The following DLGAP2 variants were observed in gnomAD, a reference collection of about 807,000 sequenced individuals.
DLGAP2 encodes the protein DLG associated protein 2, also known as disks large-associated protein 2.
DLGAP2 carries 26 observed loss-of-function variants against 100.3 expected under a neutral mutation model. The observed-to-expected ratio is 0.26, with a 90% CI of 0.19 to 0.36. The LOEUF is 0.36. Among genes scored for constraint, DLGAP2 ranks in the 10% least tolerant of loss-of-function variants. The pLI is 1.00. For synonymous variants in DLGAP2, 886 were observed against 630.1 expected, an observed-to-expected ratio of 1.41 and a Z score of -6.08; for missense variants, 1,858 against 1,453.2, an observed-to-expected ratio of 1.28 and a Z score of -4.53.
At chr8:1,300,875 G>A (rs183358121) in intron 3 of DLGAP2, 8 of 152,346 alleles carry the variant, frequency 5.3e-5, no homozygotes, top group African/African-American at 1.9e-4. Flanking sequence ...ATCTAAGCAA[G>A]TATTTCCAGC....
At chr8:1,464,287 G>GACA (rs1563164846) in intron 3 of DLGAP2, among the ~76,000 whole-genome samples, 1 of 29,806 alleles carries the variant, frequency 3.4e-5, no homozygotes, top group African/African-American at 1.8e-4. Context: ...CCAGGACAAC[G>GACA]CCCTTCCAGG....
chr8:1,346,451 C>T (rs1484433392), intron 3 of DLGAP2, among the ~76,000 whole-genome samples: 1 of 145,714 alleles, frequency 6.9e-6, no homozygotes, highest in African/African-American at 2.6e-5. Context: ...GCATTGCTCT[C>T]ATGGCAGCTA....
chr8:1,237,105 A>G lies in DLGAP2; in HGVS notation c.74-21746A>G, dbSNP rs1356970272. On this transcript the variant is annotated intron_variant, in intron 2 of 14. Transcript: ENST00000637795. ...GCCGTGTCTAGTTCTCTCACATGGC[A>G]CCGTGCCTAGTTCTGTCTCACATGG... 6.9e-3 allele frequency among the ~76,000 whole-genome samples: 445 copies of G among 64,484 alleles called. 14 individuals are homozygous for G. The highest frequency in any genetic ancestry group is 0.032 in the African/African-American group (408 of 12,584). The allele number at this position is 64,484 out of a possible 152,430, so 42.3% of individuals were successfully genotyped here.
intron 3 of DLGAP2, among the ~76,000 whole-genome samples, chr8:1,270,796 G>A (rs1462467867): frequency 6.6e-6 from 1 of 151,188 alleles, no homozygotes; most frequent in East Asian, 1.9e-4. Flanking sequence ...ACCTCTCTCT[G>A]TGTGTCTCTG....
At chr8:1,212,157 G>C (rs7841475) in intron 2 of DLGAP2, among the ~76,000 whole-genome samples, 69,305 of 152,106 alleles carry the variant, frequency 0.46, 18,628 homozygotes, top group African/African-American at 0.76. Context: ...CACAAGAAAA[G>C]GGCAAAATCC....
At chr8:993,965 A>C (rs961939547) in intron 2 of DLGAP2, among the ~76,000 whole-genome samples, 5 of 152,170 alleles carry the variant, frequency 3.3e-5, no homozygotes, top group Admixed American at 2.6e-4. Flanking sequence ...ATTGTGGAGT[A>C]GACTTAGTAT....
chr8:1,383,257 A>C (rs1796137323), intron 3 of DLGAP2, among the ~76,000 whole-genome samples: 1 of 152,248 alleles, frequency 6.6e-6, no homozygotes, highest in Non-Finnish European at 1.5e-5. Flanking sequence ...AAAGTCATCA[A>C]GTTCTAAGGT....
Position 1,437,163 on chromosome 8 carries a change from C to T in DLGAP2, c.107-64203C>T, listed in dbSNP as rs190424442. The stretch of plus-strand genomic sequence containing the variant: ...CATCCGGGTCTGCGTTCAGCGCAGG[C>T]GCGTAAGGGTGACGCCATCCGGGTC... On this transcript the variant is annotated intron_variant, in intron 3 of 14. Coordinates refer to ENST00000637795, the MANE Select transcript of DLGAP2 (RefSeq NM_001346810.2). 7.6e-4 allele frequency among the ~76,000 whole-genome samples: 113 copies of T among 148,762 alleles called. 3 individuals carry two copies. Among genetic ancestry groups the T allele is most frequent in the African/African-American group, 2.5e-3 (101 of 40,136 alleles).
intron 1 of DLGAP2, among the ~76,000 whole-genome samples, chr8:801,809 C>T (rs1033616633): frequency 3.3e-5 from 5 of 152,154 alleles, no homozygotes; most frequent in East Asian, 1.9e-4. Context: ...GGTCCCTGCT[C>T]GGGGATGGCT....
intron 1 of DLGAP2, among the ~76,000 whole-genome samples, chr8:880,127 T>C (rs1301552202): frequency 1.3e-5 from 2 of 152,152 alleles, no homozygotes; most frequent in Admixed American, 1.3e-4. Context: ...AAGTTTTCTT[T>C]GCATCCGTGG....
intron 1 of DLGAP2, among the ~76,000 whole-genome samples, chr8:770,838 C>T (rs773427437): frequency 2.0e-5 from 3 of 151,658 alleles, no homozygotes; most frequent in Non-Finnish European, 4.4e-5. Context: ...TGACATTTAA[C>T]TCATAAACCT....
chr8:1,383,279 G>C (rs1019997829), intron 3 of DLGAP2, among the ~76,000 whole-genome samples: 1 of 152,206 alleles, frequency 6.6e-6, no homozygotes, highest in African/African-American at 2.4e-5. Flanking sequence ...TGGAGAATAT[G>C]TTACAGTATT....
At chr8:1,465,103 G>A (rs954505389) in intron 3 of DLGAP2, among the ~76,000 whole-genome samples, 2 of 152,190 alleles carry the variant, frequency 1.3e-5, no homozygotes, top group Non-Finnish European at 1.5e-5. Flanking sequence ...TTCACCTGGC[G>A]GGAACCTCAG....
intron 3 of DLGAP2, among the ~76,000 whole-genome samples, chr8:1,337,453 A>C (rs1801312842): frequency 1.4e-5 from 2 of 144,756 alleles, no homozygotes; most frequent in Non-Finnish European, 1.5e-5. Flanking sequence ...GATGGTGATG[A>C]TGGTGAGAAT....
intron 1 of DLGAP2, among the ~76,000 whole-genome samples, chr8:805,897 C>G (rs1163626395): frequency 6.6e-6 from 1 of 152,246 alleles, no homozygotes; most frequent in East Asian, 1.9e-4. Flanking sequence ...AGGCTGGGAA[C>G]ATAGCCAGCA....
At chr8:1,656,007 G>A (rs1046556638) in intron 8 of DLGAP2, among the ~76,000 whole-genome samples, 4 of 152,210 alleles carry the variant, frequency 2.6e-5, no homozygotes, top group African/African-American at 9.7e-5. Flanking sequence ...AAGTGTAATG[G>A]TATTTTAGGT....
chr8:919,298 C>G (rs1452741391), intron 2 of DLGAP2, among the ~76,000 whole-genome samples: 1 of 152,168 alleles, frequency 6.6e-6, no homozygotes, highest in East Asian at 1.9e-4. Flanking sequence ...CCTCATGGTG[C>G]TGGGGTAGCT....
intron 3 of DLGAP2, among the ~76,000 whole-genome samples, chr8:1,420,171 G>C (rs1382658986): frequency 6.6e-6 from 1 of 152,144 alleles, no homozygotes; most frequent in Admixed American, 6.5e-5. Context: ...AGTTCCCTGA[G>C]GACTGCCTTA....
chr8:1,514,039 C>T (rs546454732), intron 4 of DLGAP2, among the ~76,000 whole-genome samples: 1 of 152,332 alleles, frequency 6.6e-6, no homozygotes, highest in African/African-American at 2.4e-5. Context: ...CACAGATTTG[C>T]TTTAAATAAT....
Sources: allele counts gnomAD v4.1 joint callset (sites outside exome capture counted in the v4.1 genomes callset), GRCh38; gene constraint gnomAD v4.1.1; transcripts MANE v1.5; gene names NCBI Gene and HGNC (gene_info 2026-07-23, HGNC 2026-07-21).